Variants in KLF8 observed in about 807,000 individuals in gnomAD.
KLF8 encodes Krueppel-like factor 8.
KLF8 carries 10 observed loss-of-function variants against 18.2 expected under a neutral mutation model. The observed-to-expected ratio is 0.55, with a 90% CI of 0.34 to 0.93. The LOEUF (loss-of-function observed/expected upper bound fraction) is 0.93, where lower values mean the gene tolerates loss of function less well. Ranked by LOEUF, KLF8 falls within the 40% of genes least tolerant of loss-of-function variation. The pLI, the probability that KLF8 is intolerant of heterozygous loss-of-function variation, is 0.02. For synonymous variants in KLF8, 109 were observed against 97.3 expected (o/e 1.12, Z -0.71); for missense variants, 264 against 277.9 (o/e 0.95, Z 0.36).
the KLF8 span, among the ~76,000 whole-genome samples, chrX:56,177,449 T>C: frequency 9.0e-6 from 1 of 110,761 alleles, no homozygotes; most frequent in Non-Finnish European, 1.9e-5. Flanking sequence ...TGTTGCCTGA[T>C]CGTTTTTCTG....
chrX:56,222,067 T>C, the KLF8 span, among the ~76,000 whole-genome samples: 1 of 111,591 alleles, frequency 9.0e-6, no homozygotes, highest in Non-Finnish European at 1.9e-5. Context: ...TGTCCACTGG[T>C]GTATTTACAA....
the KLF8 span, among the ~76,000 whole-genome samples, chrX:56,122,714 T>C: frequency 3.1e-4 from 35 of 111,355 alleles, no homozygotes; most frequent in African/African-American, 1.1e-3. Flanking sequence ...GCTTTCTTTT[T>C]CTTGTAATGT....
At chrX:56,123,595 T>C in the KLF8 span, among the ~76,000 whole-genome samples, 4 of 112,251 alleles carry the variant, frequency 3.6e-5, no homozygotes, top group South Asian at 3.7e-4. Context: ...ATTAACTTTA[T>C]AAGTAAGTAT....
chrX:55,920,874 T>A, the KLF8 span, among the ~76,000 whole-genome samples: 1 of 112,149 alleles, frequency 8.9e-6, no homozygotes, highest in Middle Eastern at 4.6e-3. Flanking sequence ...GAAAACTTAC[T>A]CGGCCATGCT....
chrX:56,243,379 C>A, intron 1 of KLF8: 1 of 286,398 alleles, frequency 3.5e-6, no homozygotes, highest in Non-Finnish European at 6.4e-6. Context: ...TTAGGAGGGG[C>A]AGGAGCTTCC....
the KLF8 span, among the ~76,000 whole-genome samples, chrX:56,156,298 T>C: frequency 9.0e-6 from 1 of 111,584 alleles, no homozygotes; most frequent in African/African-American, 3.3e-5. Context: ...TAAACTTGTG[T>C]CATGGAGGTT....
chrX:56,152,920 G>A, the KLF8 span, among the ~76,000 whole-genome samples: 2 of 111,847 alleles, frequency 1.8e-5, no homozygotes, highest in Non-Finnish European at 3.8e-5. Context: ...AGCTCACATA[G>A]CATAGCATAA....
the KLF8 span, among the ~76,000 whole-genome samples, chrX:55,925,693 A>G: frequency 8.1e-5 from 9 of 111,713 alleles, no homozygotes; most frequent in African/African-American, 2.9e-4. Context: ...AGATGGTTGG[A>G]AAAGACCTCA....
the KLF8 span, among the ~76,000 whole-genome samples, chrX:55,976,569 T>TACAC: frequency 7.8e-4 from 80 of 102,485 alleles, no homozygotes; most frequent in Middle Eastern, 9.8e-3. Context: ...TCCATTTGTG[T>TACAC]ACACACACAC....
At chrX:56,241,861 G>A (rs974502618) in intron 1 of KLF8, among the ~76,000 whole-genome samples, 6 of 112,091 alleles carry the variant, frequency 5.4e-5, no homozygotes. Context: ...GAGATTCAAG[G>A]CAAGGGGACT....
chrX:55,954,219 A>T, the KLF8 span, among the ~76,000 whole-genome samples: 1 of 111,144 alleles, frequency 9.0e-6, no homozygotes, highest in Admixed American at 9.6e-5. Context: ...ATTTTTCTCC[A>T]ACCAGAGATT....
the KLF8 span, among the ~76,000 whole-genome samples, chrX:56,085,139 T>G: frequency 1.8e-5 from 2 of 111,996 alleles, no homozygotes; most frequent in Non-Finnish European, 3.8e-5. Context: ...GAAAATGAGC[T>G]TATCTGGCCT....
At chrX:56,076,728 A>G in the KLF8 span, among the ~76,000 whole-genome samples, 1 of 111,713 alleles carries the variant, frequency 9.0e-6, no homozygotes, top group Admixed American at 9.5e-5. Context: ...TGACTTCCAC[A>G]ATGGTTGAAC....
At chrX:55,946,736 A>T in the KLF8 span, among the ~76,000 whole-genome samples, 1 of 111,520 alleles carries the variant, frequency 9.0e-6, no homozygotes, top group East Asian at 2.8e-4. Context: ...CAACCTACTC[A>T]TCTGACAAAG....
chrX:56,061,181 C>A, the KLF8 span, among the ~76,000 whole-genome samples: 1 of 111,483 alleles, frequency 9.0e-6, no homozygotes, highest in Non-Finnish European at 1.9e-5. Context: ...CTGCTCTGAT[C>A]TTAGTTATTT....
At chrX:56,030,587 A>G in the KLF8 span, among the ~76,000 whole-genome samples, 1 of 110,349 alleles carries the variant, frequency 9.1e-6, no homozygotes, top group Non-Finnish European at 1.9e-5. Flanking sequence ...CATCTATCCC[A>G]GTATATTGCT....
the KLF8 span, among the ~76,000 whole-genome samples, chrX:56,170,475 A>C: frequency 1.8e-5 from 2 of 110,326 alleles, no homozygotes; most frequent in Admixed American, 2.0e-4. Context: ...TGTCAGACAA[A>C]TGTAACAAAG....
At chrX:55,945,799 T>TA in the KLF8 span, among the ~76,000 whole-genome samples, 12 of 110,842 alleles carry the variant, frequency 1.1e-4, no homozygotes, top group Admixed American at 9.6e-4. Context: ...AGTCTCAGGA[T>TA]AAAAAATCAA....
At chrX:55,984,955 A>G in the KLF8 span, among the ~76,000 whole-genome samples, 1 of 88,265 alleles carries the variant, frequency 1.1e-5, no homozygotes, top group Non-Finnish European at 2.3e-5. Context: ...TATTTGCCCA[A>G]TTTTTAATGG....
Sources: allele counts gnomAD v4.1 joint callset (sites outside exome capture counted in the v4.1 genomes callset), GRCh38; gene constraint gnomAD v4.1.1; transcripts MANE v1.5; gene names NCBI Gene and HGNC (gene_info 2026-07-23, HGNC 2026-07-21).